The following SH3GL3 variants were observed in gnomAD, a reference collection of about 807,000 sequenced individuals.
The protein encoded by SH3GL3 is SH3 domain containing GRB2 like 3, endophilin A3.
A neutral mutation model predicts 47.7 loss-of-function variants in SH3GL3; 33 were observed. That is an observed-to-expected ratio of 0.69 (90% CI 0.52 to 0.92). SH3GL3 has a LOEUF of 0.92. SH3GL3 is among the 40% of genes least tolerant of loss of function. SH3GL3 has a pLI of 0.00. For missense variants in SH3GL3, 363 were observed against 417.8 expected, an observed-to-expected ratio of 0.87 and a Z score of 1.14; for synonymous variants, 155 against 148.8, an observed-to-expected ratio of 1.04 and a Z score of -0.30.
At chr15:83,473,631 T>C (rs1205149142) in intron 1 of SH3GL3, among the ~76,000 whole-genome samples, 2 of 151,282 alleles carry the variant, frequency 1.3e-5, no homozygotes, top group Non-Finnish European at 2.9e-5. Flanking sequence ...CACCACAAGC[T>C]CCGCCTTCTG....
At chr15:83,541,194 C>CA (rs2044134600) in intron 1 of SH3GL3, among the ~76,000 whole-genome samples, 1 of 151,918 alleles carries the variant, frequency 6.6e-6, no homozygotes, top group Non-Finnish European at 1.5e-5. Flanking sequence ...AGATTGATTC[C>CA]AAATCTTGGC....
At chr15:83,515,079 C>T (rs557954996) in intron 1 of SH3GL3, among the ~76,000 whole-genome samples, 1 of 152,178 alleles carries the variant, frequency 6.6e-6, no homozygotes, top group Admixed American at 6.5e-5. Context: ...TTGATTTTAG[C>T]CCTGGAAGAC....
chr15:83,486,050 A>C (rs1023250482), intron 1 of SH3GL3, among the ~76,000 whole-genome samples: 21 of 152,304 alleles, frequency 1.4e-4, no homozygotes, highest in Admixed American at 6.5e-5. Flanking sequence ...CCTTTCTCTT[A>C]GGCCTTTCTC....
chr15:83,562,500 T>C (rs1045069427), intron 2 of SH3GL3, among the ~76,000 whole-genome samples: 1 of 152,230 alleles, frequency 6.6e-6, no homozygotes, highest in African/African-American at 2.4e-5. Flanking sequence ...TAATATCTAA[T>C]TTGTTACATT....
chr15:83,616,585 C>T (rs750191818), intron 8 of SH3GL3, among the ~76,000 whole-genome samples: 1 of 152,122 alleles, frequency 6.6e-6, no homozygotes. Context: ...AATAAATTGA[C>T]ACTAAATGTC....
Position 83,447,530 on chromosome 15 carries a change from C to T in SH3GL3, c.-4C>T. The T allele has an allele frequency of 6.6e-7, 1 of 1,504,068 alleles. No individual in the cohort carries two copies. Among genetic ancestry groups the T allele is most frequent in the South Asian group, 1.3e-5 (1 of 79,652 alleles). The allele number at this position is 1,504,068 out of a possible 1,614,324, so 93.2% of individuals were successfully genotyped here. A position where few individuals can be genotyped will look rare whatever the true frequency, so the allele number is the denominator to read the frequency against. ...CCACCCCGCCCCTGCCGGTCGCAGTCGCGATGTCGGTGGCCGGGCTGAAGA... is the reference window on the plus strand; with the variant it reads ...CCACCCCGCCCCTGCCGGTCGCAGTTGCGATGTCGGTGGCCGGGCTGAAGA... On this transcript the variant is annotated 5_prime_UTR_variant, in exon 1 of 9. Transcript: ENST00000427482. The surrounding 1 kb of genome is among the most constrained non-coding windows in gnomAD (Gnocchi z 5.1).
intron 1 of SH3GL3, among the ~76,000 whole-genome samples, chr15:83,525,768 T>C (rs941262370): frequency 6.6e-6 from 1 of 152,186 alleles, no homozygotes; most frequent in African/African-American, 2.4e-5. Context: ...CATCATTTAT[T>C]GAAGAGGGTG....
At chr15:83,482,232 A>G (rs192935152) in intron 1 of SH3GL3, among the ~76,000 whole-genome samples, 26 of 152,310 alleles carry the variant, frequency 1.7e-4, no homozygotes, top group African/African-American at 5.3e-4. Flanking sequence ...AAATATATTA[A>G]TCCATCATCA....
At chr15:83,545,631 C>A (rs572498284) in intron 1 of SH3GL3, among the ~76,000 whole-genome samples, 1 of 152,298 alleles carries the variant, frequency 6.6e-6, no homozygotes, top group African/African-American at 2.4e-5. Flanking sequence ...CTAATCTTCA[C>A]AATCTGGGCT....
At position 83,618,080 on chromosome 15, in the gene SH3GL3, A is replaced by G; in HGVS notation, c.839-2A>G. 1 of 1,600,674 alleles carries G rather than the reference A, an allele frequency of 6.2e-7. No homozygotes were observed. On this transcript the variant is annotated splice_acceptor_variant, in intron 8 of 8. Coordinates refer to ENST00000427482, the MANE Select transcript of SH3GL3 (RefSeq NM_003027.5). LOFTEE classifies it high-confidence loss of function. Reference sequence around the variant, plus strand: ...CTTTTTGTCTCCATATCATGTGGACAGGTTCTAACATTCCCATGGACCAGC... The same window carrying G: ...CTTTTTGTCTCCATATCATGTGGACGGGTTCTAACATTCCCATGGACCAGC...
At chr15:83,506,473 T>C (rs929111455) in intron 1 of SH3GL3, among the ~76,000 whole-genome samples, 1 of 152,226 alleles carries the variant, frequency 6.6e-6, no homozygotes, top group Non-Finnish European at 1.5e-5. Context: ...TGTTGTGCTC[T>C]GCGGGACACA....
At chr15:83,546,168 C>G (rs1014252939) in intron 1 of SH3GL3, among the ~76,000 whole-genome samples, 4 of 151,646 alleles carry the variant, frequency 2.6e-5, no homozygotes, top group African/African-American at 7.3e-5. Flanking sequence ...AGTTCAGGAG[C>G]TAGGGCCTGG....
At chr15:83,530,188 AG>A (rs946216565) in intron 1 of SH3GL3, among the ~76,000 whole-genome samples, 12 of 152,158 alleles carry the variant, frequency 7.9e-5, no homozygotes, top group Non-Finnish European at 1.0e-4. Flanking sequence ...GCAGTTGCTT[AG>A]GTATCAGGGG....
rs1596103102 is a variant in SH3GL3 at position 83,494,381 on chromosome 15, C to T, written c.45+46803C>T. On this transcript the variant is annotated intron_variant, in intron 1 of 8. Coordinates refer to ENST00000427482, the MANE Select transcript of SH3GL3 (RefSeq NM_003027.5). ...TTGAGAGGTCTCAGCTCTGCACATA[C>T]ATAGGAATTGGTTTTATTTTTGCTA... 2.6e-5 allele frequency among the ~76,000 whole-genome samples: 4 copies of T among 152,184 alleles called. 1 individual carries two copies. The East Asian group carries it at 7.7e-4, about 29-fold the overall frequency.
intron 1 of SH3GL3, among the ~76,000 whole-genome samples, chr15:83,508,198 C>T (rs2042593789): frequency 6.6e-6 from 1 of 152,058 alleles, no homozygotes; most frequent in South Asian, 2.1e-4. Flanking sequence ...CCTCAGCCTC[C>T]CAAAGTGCTG....
At chr15:83,516,420 C>G (rs909967856) in intron 1 of SH3GL3, among the ~76,000 whole-genome samples, 2 of 152,076 alleles carry the variant, frequency 1.3e-5, no homozygotes, top group African/African-American at 4.8e-5. Flanking sequence ...GTGTATTAGG[C>G]CATTCTTGCA....
intron 1 of SH3GL3, among the ~76,000 whole-genome samples, chr15:83,537,569 G>A (rs531228548): frequency 2.6e-5 from 4 of 152,118 alleles, no homozygotes; most frequent in Non-Finnish European, 5.9e-5. Flanking sequence ...TAGAGATGGC[G>A]TGTGGGGATG....
intron 1 of SH3GL3, among the ~76,000 whole-genome samples, chr15:83,538,050 T>C (rs894437230): frequency 1.3e-5 from 2 of 152,200 alleles, no homozygotes; most frequent in East Asian, 1.9e-4. Flanking sequence ...ATCGTGCTGC[T>C]ATAATGATTA....
chr15:83,575,137 G>A (rs377195534), intron 5 of SH3GL3, among the ~76,000 whole-genome samples: 1 of 152,270 alleles, frequency 6.6e-6, no homozygotes, highest in Non-Finnish European at 1.5e-5. Context: ...TTTTTGAATG[G>A]TTGATTCTAG....
Sources: gnomAD v4.1 joint callset for allele counts (sites outside exome capture counted in the v4.1 genomes callset) on GRCh38, gnomAD v4.1.1 for gene constraint, Gnocchi (gnomAD v3.1) non-coding constraint, MANE v1.5 for transcripts, NCBI Gene and HGNC (gene_info 2026-07-23, HGNC 2026-07-21) for gene names.